NCOR1: variants seen among roughly 807,000 people sequenced by gnomAD.
NCOR1 encodes the protein nuclear receptor corepressor 1, also known as protein phosphatase 1, regulatory subunit 109.
In NCOR1, 63 loss-of-function variants were observed where a neutral mutation model predicts 288.1. That is an observed-to-expected ratio of 0.22 (90% CI 0.18 to 0.27). The LOEUF is 0.27. Ranked by LOEUF, NCOR1 falls within the 10% of genes least tolerant of loss-of-function variation. NCOR1 has a pLI of 1.00. For missense variants in NCOR1, 2,397 were observed against 3,019.2 expected, an observed-to-expected ratio of 0.79 and a Z score of 4.83; for synonymous variants, 1,007 against 1,065.9, an observed-to-expected ratio of 0.94 and a Z score of 1.08.
In NCOR1 at chr17:16,149,496, T is replaced by C. The variant is rs1368085192; in HGVS notation, c.864A>G (p.Lys288=). 6.4e-7 allele frequency: 1 copy of C among 1,556,424 alleles called. No homozygotes were observed. The highest frequency in any genetic ancestry group is 8.8e-7 in the Non-Finnish European group (1 of 1,141,138). Residue 288 remains lysine (K), a synonymous_variant, in exon 9 of 46, where the codon AAA becomes AAG. Transcript: ENST00000268712. ...TTCTTCTTTTAAAAAATAAAATGAG[T>C]TTTTTCCTCATCACCTGGTTTCTAG... is the stretch of plus-strand genomic sequence containing the variant. ...NIKTNQVMRK[K]LILFFKRRNH... is the part of the protein sequence containing the mutation.
intron 2 of NCOR1, among the ~76,000 whole-genome samples, chr17:16,190,700 G>A (rs2088048030): frequency 6.6e-6 from 1 of 152,134 alleles, no homozygotes; most frequent in Non-Finnish European, 1.5e-5. Context: ...AGAGTAAGGA[G>A]TGAAATAAAA....
At chr17:16,044,664 C>G in intron 42 of NCOR1, 1 of 658,352 alleles carries the variant, frequency 1.5e-6, no homozygotes, top group South Asian at 1.4e-5. Flanking sequence ...TCAGCCCTCA[C>G]TCTGCATGAC....
At position 16,138,226 on chromosome 17, in the gene NCOR1, A is replaced by C. The variant is rs1453842794; in HGVS notation, c.1353-14T>G. 1 of 1,603,370 alleles carries C rather than the reference A, an allele frequency of 6.2e-7. No homozygotes were observed. Among genetic ancestry groups the C allele is most frequent in the Middle Eastern group, 1.7e-4 (1 of 6,016 alleles). On this transcript the variant is annotated splice_polypyrimidine_tract_variant and intron_variant, in intron 12 of 45. Coordinates refer to ENST00000268712, the MANE Select transcript of NCOR1 (RefSeq NM_006311.4). ...TGCTGGATAAACCTGAGTGAAAACGAAAACAAAAACACACTTGCGTACAAA... is the reference window on the plus strand; with the variant it reads ...TGCTGGATAAACCTGAGTGAAAACGCAAACAAAAACACACTTGCGTACAAA...
rs1295598404 is a variant in NCOR1 at position 16,032,388 on chromosome 17, CT to C, written c.7230del (p.Ala2411GlnfsTer80). ...ATCCTGTTCTGTTGGTGAGGAGCTGCTTGGTTCACCGCAGAGGGAGCACATG... is the reference window on the plus strand; with the variant it reads ...ATCCTGTTCTGTTGGTGAGGAGCTGCTGGTTCACCGCAGAGGGAGCACATG... Reference protein sequence around the residue: ...PIACAPSAVNQAAPHQQNRIW... With the variant: ...PIACAPSAVNXAAPHQQNRIW... On this transcript the variant is annotated frameshift_variant, in exon 46 of 46. Transcript: ENST00000268712. LOFTEE classifies it high-confidence loss of function. 6.2e-7 allele frequency: 1 copy of C among 1,614,006 alleles called. No individual in the cohort carries two copies. Among genetic ancestry groups the C allele is most frequent in the Non-Finnish European group, 8.5e-7 (1 of 1,180,010 alleles).
In NCOR1 at chr17:16,108,919, G is replaced by A. The variant is rs2153057115; in HGVS notation, c.2056-7C>T. The stretch of plus-strand genomic sequence containing the variant: ...CACGAGGTTTTCGTGAAGTCTAAAG[G>A]AGGAAAGAGTATTATTTGATTTAAA... On this transcript the variant is annotated splice_polypyrimidine_tract_variant and splice_region_variant and intron_variant, in intron 18 of 45. Coordinates refer to ENST00000268712, the MANE Select transcript of NCOR1 (RefSeq NM_006311.4). The A allele has an allele frequency of 1.3e-6, 2 of 1,556,736 alleles. No homozygotes were observed. Among genetic ancestry groups the A allele is most frequent in the Non-Finnish European group, 1.7e-6 (2 of 1,155,984 alleles).
At chr17:16,122,840 T>G (rs774722427) in intron 15 of NCOR1, among the ~76,000 whole-genome samples, 8 of 152,206 alleles carry the variant, frequency 5.3e-5, no homozygotes, top group Non-Finnish European at 1.0e-4. Flanking sequence ...TGTCACCATG[T>G]TGCCCAGGGT....
chr17:16,059,142 T>C (rs2060278211), intron 37 of NCOR1, among the ~76,000 whole-genome samples: 1 of 151,872 alleles, frequency 6.6e-6, no homozygotes, highest in South Asian at 2.1e-4. Context: ...TTTATGATAT[T>C]TTCCTGGGAG....
chr17:16,096,878 A>C (rs74580998), intron 21 of NCOR1, among the ~76,000 whole-genome samples: 2,412 of 152,330 alleles, frequency 0.016, 45 homozygotes, highest in Non-Finnish European at 0.022. Context: ...GGTGGAAGCA[A>C]TCCAAATGTC....
intron 18 of NCOR1, among the ~76,000 whole-genome samples, chr17:16,111,511 A>C (rs1035219683): frequency 7.9e-5 from 12 of 152,090 alleles, no homozygotes; most frequent in African/African-American, 2.9e-4. Context: ...CTGAGGCAGG[A>C]GTATCGCTTG....
At position 16,057,961 on chromosome 17, in the gene NCOR1, T is replaced by C. The variant is rs567078892; in HGVS notation, c.6114A>G (p.Gly2038=). The C allele has an allele frequency of 6.8e-5, 109 of 1,614,172 alleles. 1 individual carries two copies. The East Asian group carries it at 2.4e-3, about 35-fold the overall frequency. Reference sequence around the variant, plus strand: ...GATGGGTCCTGGGCACTTGCCCCATTCCCTCTGCCTGTGAAGAAGGGGGCA... The same window carrying C: ...GATGGGTCCTGGGCACTTGCCCCATCCCCTCTGCCTGTGAAGAAGGGGGCA... ...QQLPPSSQAE[G]MGQVPRTHRL... Residue 2038 remains glycine (G), a synonymous_variant, in exon 39 of 46, where the codon GGA becomes GGG. Coordinates refer to ENST00000268712, the MANE Select transcript of NCOR1 (RefSeq NM_006311.4).
intron 2 of NCOR1, 75 bp from the exon 3 acceptor site, chr17:16,186,762 G>C (rs373539936): frequency 2.3e-6 from 3 of 1,330,686 alleles, no homozygotes; most frequent in Admixed American, 1.9e-5. Flanking sequence ...CAAGTATAAA[G>C]GTAGTTATGG....
intron 13 of NCOR1, 68 bp downstream of exon 13, chr17:16,138,090 A>T: frequency 3.8e-6 from 5 of 1,324,088 alleles, no homozygotes; most frequent in Non-Finnish European, 5.4e-6. Context: ...TATGTGTCAG[A>T]GCACAAGAAT....
chr17:16,126,883 C>A (rs909526330), intron 14 of NCOR1, among the ~76,000 whole-genome samples: 4 of 152,058 alleles, frequency 2.6e-5, no homozygotes, highest in African/African-American at 4.8e-5. Flanking sequence ...ACTACAGTAG[C>A]CCCCACCATA....
intron 23 of NCOR1, among the ~76,000 whole-genome samples, chr17:16,084,626 T>C (rs2063927437): frequency 6.6e-6 from 1 of 152,116 alleles, no homozygotes; most frequent in South Asian, 2.1e-4. Context: ...AACAAGTAGA[T>C]CAGTGGAACA....
chr17:16,165,930 G>A (rs75522872), intron 4 of NCOR1, among the ~76,000 whole-genome samples: 3 of 152,140 alleles, frequency 2.0e-5, no homozygotes, highest in African/African-American at 7.2e-5. Flanking sequence ...CTTAGACTAT[G>A]AGAAACCTAC....
Position 16,079,964 on chromosome 17 carries a change from C to T in NCOR1, c.3501G>A (p.Gln1167=). 1.2e-6 allele frequency: 2 copies of T among 1,611,622 alleles called. No individual in the cohort carries two copies. The highest frequency in any genetic ancestry group is 1.1e-5 in the South Asian group (1 of 91,004). ...TATATCAGAGATGATCGTGACTAAC[C>T]TGAGTGATAGAGCCCCGTAGGGATG... ...SIPSLRGSIT[Q]GTPALPQTGI... is the part of the protein sequence containing the mutation. The change falls in exon 26 of 46, where the codon CAG becomes CAA. Residue 1167 remains glutamine (Q), a splice_region_variant and synonymous_variant. Coordinates refer to ENST00000268712, the MANE Select transcript of NCOR1 (RefSeq NM_006311.4).
intron 23 of NCOR1, among the ~76,000 whole-genome samples, 165 bp from the exon 24 acceptor site, chr17:16,080,892 C>T (rs1161271281): frequency 2.7e-5 from 4 of 150,870 alleles, no homozygotes; most frequent in South Asian, 4.2e-4. Context: ...AAATCTTCAT[C>T]GTAGATTGCT....
chr17:16,067,851 G>A (rs373518038), intron 32 of NCOR1, 43 bp downstream of exon 32: 78 of 1,532,958 alleles, frequency 5.1e-5, no homozygotes, highest in Non-Finnish European at 6.1e-5. Flanking sequence ...CATACTGGTG[G>A]CATATTTATT....
chr17:16,123,186 C>A (rs928886124), intron 15 of NCOR1, among the ~76,000 whole-genome samples: 1 of 152,078 alleles, frequency 6.6e-6, no homozygotes, highest in Non-Finnish European at 1.5e-5. Flanking sequence ...ACTCTCTAAT[C>A]ATTTGTTGTT....
Sources: allele counts gnomAD v4.1 joint callset (sites outside exome capture counted in the v4.1 genomes callset), GRCh38; gene constraint gnomAD v4.1.1; transcripts MANE v1.5; gene names NCBI Gene and HGNC (gene_info 2026-07-23, HGNC 2026-07-21).